KIAA1217: variants seen among roughly 807,000 people sequenced by gnomAD.
The protein encoded by KIAA1217 is KIAA1217.
A neutral mutation model predicts 163.9 loss-of-function variants in KIAA1217; 88 were observed. The ratio of observed to expected loss-of-function variants is 0.54; its 90% CI spans 0.45 to 0.64. KIAA1217 has a LOEUF of 0.64. Among genes scored for constraint, KIAA1217 ranks in the 30% least tolerant of loss-of-function variants. KIAA1217 has a pLI of 0.00. For missense variants in KIAA1217, 2,372 were observed against 2,475.0 expected (o/e 0.96, Z 0.88); for synonymous variants, 903 against 923.1 (o/e 0.98, Z 0.39).
intron 1 of KIAA1217, among the ~76,000 whole-genome samples, chr10:23,854,621 G>A (rs540360759): frequency 5.7e-4 from 87 of 152,262 alleles, no homozygotes; most frequent in Non-Finnish European, 8.4e-4. Flanking sequence ...GGGTGTTAAA[G>A]TCTCCCATTA....
intron 2 of KIAA1217, among the ~76,000 whole-genome samples, chr10:24,189,394 T>C (rs1023060912): frequency 5.9e-5 from 9 of 152,166 alleles, no homozygotes; most frequent in African/African-American, 2.2e-4. Flanking sequence ...TAGACAATGA[T>C]TGGTCGCCTT....
At chr10:23,721,818 C>A (rs1244869201) in intron 1 of KIAA1217, among the ~76,000 whole-genome samples, 1 of 151,960 alleles carries the variant, frequency 6.6e-6, no homozygotes, top group Non-Finnish European at 1.5e-5. Context: ...AGTGAGTACT[C>A]CTAATAAAAT....
chr10:24,095,258 G>T (rs1281062631), intron 2 of KIAA1217, among the ~76,000 whole-genome samples: 1 of 152,194 alleles, frequency 6.6e-6, no homozygotes, highest in Non-Finnish European at 1.5e-5. Flanking sequence ...TGCGCCCACT[G>T]TCTGGCACTC....
intron 1 of KIAA1217, among the ~76,000 whole-genome samples, chr10:24,001,893 T>A (rs778444117): frequency 7.2e-5 from 11 of 152,066 alleles, no homozygotes; most frequent in Non-Finnish European, 1.5e-4. Context: ...TCTTGCAGGC[T>A]GTGTAGGTGA....
At chr10:24,461,986 G>T (rs2062453225) in intron 5 of KIAA1217, among the ~76,000 whole-genome samples, 1 of 151,916 alleles carries the variant, frequency 6.6e-6, no homozygotes, top group African/African-American at 2.4e-5. Context: ...ATCAGCTAAG[G>T]CTCAGATATT....
At position 24,542,679 on chromosome 10, in the gene KIAA1217, C is replaced by A; in HGVS notation, c.3535-14C>A. On this transcript the variant is annotated splice_polypyrimidine_tract_variant and intron_variant, in intron 17 of 20. Transcript: ENST00000376454. ...TGGTTTTGTGGAGTAACATGTCCTACACTATTCTACCAGAATTTGGAATTT... is the reference window on the plus strand; with the variant it reads ...TGGTTTTGTGGAGTAACATGTCCTAAACTATTCTACCAGAATTTGGAATTT... 1 of 1,611,808 alleles carries A rather than the reference C, an allele frequency of 6.2e-7. No individual in the cohort carries two copies. Among genetic ancestry groups the A allele is most frequent in the Non-Finnish European group, 8.5e-7 (1 of 1,177,878 alleles).
chr10:23,969,591 C>T (rs1465577261), intron 1 of KIAA1217, among the ~76,000 whole-genome samples: 3 of 152,066 alleles, frequency 2.0e-5, no homozygotes, highest in Non-Finnish European at 2.9e-5. Flanking sequence ...TTTGGAGAAA[C>T]GTCTATTCAG....
In KIAA1217 at chr10:24,022,470, A is replaced by G. The variant is rs983470029; in HGVS notation, c.-171+15096A>G. ...TTAAAAAGCTGACAAACCAAATGCT[A>G]ACAAAGATGTGGGGAAAGAGAAACT... On this transcript the variant is annotated intron_variant, in intron 2 of 18. Coordinates refer to the KIAA1217 transcript ENST00000376462. Among the ~76,000 whole-genome samples, 11 of 151,930 alleles carry G rather than the reference A, an allele frequency of 7.2e-5. No homozygotes were observed. The South Asian group carries it at 2.3e-3, about 32-fold the overall frequency.
intron 1 of KIAA1217, among the ~76,000 whole-genome samples, chr10:23,817,585 T>C (rs184892370): frequency 3.6e-4 from 55 of 152,244 alleles, no homozygotes; most frequent in African/African-American, 1.3e-3. Flanking sequence ...TCACAGTTTT[T>C]ATAACTATGA....
intron 3 of KIAA1217, among the ~76,000 whole-genome samples, chr10:24,391,329 CTTTCTTTTTTTTTTT>C (rs1308804706): frequency 4.6e-5 from 4 of 87,852 alleles, no homozygotes; most frequent in South Asian, 4.5e-4. Flanking sequence ...TTCTTTCTTT[CTTTCTTTTTTTTTTT>C]TTTTTTTTTT....
chr10:23,734,665 A>T (rs1010598168), intron 1 of KIAA1217, among the ~76,000 whole-genome samples: 4 of 152,086 alleles, frequency 2.6e-5, no homozygotes, highest in African/African-American at 4.8e-5. Flanking sequence ...GGATTTTTTT[A>T]AAAAATATTC....
chr10:24,504,755 C>G (rs2068115293), intron 9 of KIAA1217, among the ~76,000 whole-genome samples: 1 of 152,150 alleles, frequency 6.6e-6, no homozygotes, highest in African/African-American at 2.4e-5. Flanking sequence ...TTGGAAAATC[C>G]TAGACTGTAG....
At chr10:23,818,019 A>G (rs1837416146) in intron 1 of KIAA1217, among the ~76,000 whole-genome samples, 1 of 133,840 alleles carries the variant, frequency 7.5e-6, no homozygotes, top group South Asian at 2.3e-4. Flanking sequence ...ACACACATAT[A>G]TATACACACA....
chr10:24,221,516 C>T (rs2069652279), intron 2 of KIAA1217, among the ~76,000 whole-genome samples: 1 of 152,098 alleles, frequency 6.6e-6, no homozygotes, highest in African/African-American at 2.4e-5. Flanking sequence ...GGCATCAGCC[C>T]GAATAATTGA....
chr10:23,810,152 A>G (rs1836928148), intron 1 of KIAA1217, among the ~76,000 whole-genome samples: 1 of 151,624 alleles, frequency 6.6e-6, no homozygotes. Context: ...AGACATTTTC[A>G]ACTTGTGATA....
chr10:23,906,231 C>T (rs977039082), intron 1 of KIAA1217, among the ~76,000 whole-genome samples: 8 of 151,724 alleles, frequency 5.3e-5, no homozygotes, highest in African/African-American at 1.9e-4. Flanking sequence ...TCAGAAGGGA[C>T]ATGAACATTC....
chr10:23,928,236 G>A (rs1234296455), intron 1 of KIAA1217, among the ~76,000 whole-genome samples: 1 of 152,188 alleles, frequency 6.6e-6, no homozygotes, highest in Non-Finnish European at 1.5e-5. Flanking sequence ...GCTTGGTAGG[G>A]CCACGGTCCA....
chr10:23,986,347 T>G (rs752040850), intron 1 of KIAA1217, among the ~76,000 whole-genome samples: 5 of 152,212 alleles, frequency 3.3e-5, no homozygotes, highest in Non-Finnish European at 7.3e-5. Context: ...GTCCCTCAGT[T>G]TCAGTGGGGA....
chr10:24,363,205 G>A (rs17385569), intron 2 of KIAA1217, among the ~76,000 whole-genome samples: 9,717 of 152,268 alleles, frequency 0.064, 403 homozygotes, highest in Non-Finnish European at 0.091. Flanking sequence ...CTGTACGTGT[G>A]TCATTCATTT....
Sources: allele counts gnomAD v4.1 joint callset (sites outside exome capture counted in the v4.1 genomes callset), GRCh38; gene constraint gnomAD v4.1.1; transcripts MANE v1.5; gene names NCBI Gene and HGNC (gene_info 2026-07-23, HGNC 2026-07-21).